FSTL4: variants seen among roughly 807,000 people sequenced by gnomAD.
FSTL4 encodes the protein follistatin like 4, also known as follistatin-related protein 4.
Under a neutral mutation model 78.2 loss-of-function variants are expected in FSTL4, and 28 were observed. The ratio of observed to expected loss-of-function variants is 0.36; its 90% CI spans 0.27 to 0.49. The LOEUF (loss-of-function observed/expected upper bound fraction) is 0.49. Ranked by LOEUF, FSTL4 falls within the 20% of genes least tolerant of loss-of-function variation. The pLI, the probability that FSTL4 is intolerant of heterozygous loss-of-function variation, is 0.98. For missense variants in FSTL4, 922 were observed against 1,084.9 expected (o/e 0.85, Z 2.11); for synonymous variants, 422 against 440.5 (o/e 0.96, Z 0.53).
At chr5:133,468,567 C>A (rs1052713013) in intron 3 of FSTL4, among the ~76,000 whole-genome samples, 3 of 152,304 alleles carry the variant, frequency 2.0e-5, no homozygotes, top group African/African-American at 7.2e-5. Context: ...GCCCAAGCCA[C>A]GGAGCCACTG....
upstream of FSTL4, among the ~76,000 whole-genome samples, chr5:133,612,806 C>T (rs1761131860): frequency 6.6e-6 from 1 of 152,132 alleles, no homozygotes. The surrounding 1 kb of genome is among the most constrained non-coding windows in gnomAD (Gnocchi z 6.2). Flanking sequence ...CACCTCTGCT[C>T]TCCTCCAGGC....
At chr5:133,545,147 T>C (rs921471090) in intron 3 of FSTL4, among the ~76,000 whole-genome samples, 1 of 152,072 alleles carries the variant, frequency 6.6e-6, no homozygotes, top group Non-Finnish European at 1.5e-5. Flanking sequence ...ACCATGTGAG[T>C]AGAGGGTTAG....
At chr5:133,382,338 C>T (rs1279208080) in intron 4 of FSTL4, among the ~76,000 whole-genome samples, 1 of 152,152 alleles carries the variant, frequency 6.6e-6, no homozygotes, top group African/African-American at 2.4e-5. Flanking sequence ...CGAGGTTTTG[C>T]AGTTGTTTGT....
chr5:133,405,382 C>T lies in FSTL4; in HGVS notation c.161-4396G>A, dbSNP rs141615310. On this transcript the variant is annotated intron_variant, in intron 3 of 15. Coordinates refer to ENST00000265342, the MANE Select transcript of FSTL4 (RefSeq NM_015082.2). ...ACCTGCCACGAACCCTGGCCCAGTACAGCAGCTGTCTCCACCTTCTGCAGA... is the reference window on the plus strand; with the variant it reads ...ACCTGCCACGAACCCTGGCCCAGTATAGCAGCTGTCTCCACCTTCTGCAGA... Among the ~76,000 whole-genome samples, 391 of 152,376 alleles carry T rather than the reference C, an allele frequency of 2.6e-3. 3 individuals carry two copies. Among genetic ancestry groups the T allele is most frequent in the African/African-American group, 8.6e-3 (359 of 41,596 alleles).
chr5:133,265,759 A>C (rs1752628153), intron 6 of FSTL4, among the ~76,000 whole-genome samples: 1 of 152,124 alleles, frequency 6.6e-6, no homozygotes, highest in Non-Finnish European at 1.5e-5. Flanking sequence ...GCACCCCTGC[A>C]CGGCTGGTCA....
intron 4 of FSTL4, among the ~76,000 whole-genome samples, chr5:133,392,123 C>T (rs1364552194): frequency 6.6e-6 from 1 of 152,194 alleles, no homozygotes; most frequent in Non-Finnish European, 1.5e-5. Context: ...TTTGAAGAAG[C>T]ATCTGACCCG....
chr5:133,383,596 A>G (rs2126954850), intron 4 of FSTL4, among the ~76,000 whole-genome samples: 1 of 152,340 alleles, frequency 6.6e-6, no homozygotes, highest in Middle Eastern at 3.4e-3. Context: ...CCCTGGGAGA[A>G]GACAAGACAT....
At chr5:133,605,593 C>T (rs1031505376) in intron 1 of FSTL4, among the ~76,000 whole-genome samples, 2 of 152,218 alleles carry the variant, frequency 1.3e-5, no homozygotes, top group South Asian at 2.1e-4. Flanking sequence ...TGCCTCTCCA[C>T]ATCTGCTTTA....
At chr5:133,591,708 T>G (rs1760630787) in intron 2 of FSTL4, among the ~76,000 whole-genome samples, 1 of 152,050 alleles carries the variant, frequency 6.6e-6, no homozygotes, top group Non-Finnish European at 1.5e-5. Flanking sequence ...GGCCCAGAGC[T>G]GCAGCAAGGG....
chr5:133,538,139 G>C (rs1759392059), intron 3 of FSTL4, among the ~76,000 whole-genome samples: 1 of 151,228 alleles, frequency 6.6e-6, no homozygotes, highest in African/African-American at 2.4e-5. Context: ...CCTAGTCCAG[G>C]TTCGAACCCA....
At chr5:133,618,416 T>G in the FSTL4 span, among the ~76,000 whole-genome samples, 7 of 152,146 alleles carry the variant, frequency 4.6e-5, no homozygotes, top group Non-Finnish European at 8.8e-5. Flanking sequence ...ATAGTATGTT[T>G]TTAACAGATG....
chr5:133,553,409 C>A (rs1759728028), intron 3 of FSTL4, among the ~76,000 whole-genome samples: 1 of 152,176 alleles, frequency 6.6e-6, no homozygotes, highest in Admixed American at 6.5e-5. Context: ...AGCTGAGAGT[C>A]CTCAGGACAA....
At chr5:133,766,414 CTAA>C in the FSTL4 span, among the ~76,000 whole-genome samples, 1 of 152,254 alleles carries the variant, frequency 6.6e-6, no homozygotes, top group African/African-American at 2.4e-5. Flanking sequence ...TACCACTGAA[CTAA>C]TGAGTTAACA....
At chr5:133,629,717 C>T in the FSTL4 span, among the ~76,000 whole-genome samples, 1 of 152,166 alleles carries the variant, frequency 6.6e-6, no homozygotes, top group African/African-American at 2.4e-5. Flanking sequence ...AGGCCAATAT[C>T]CCTGACGAAC....
Position 133,199,030 on chromosome 5 carries a change from C to T in FSTL4, c.*65G>A. The T allele has an allele frequency of 9.8e-7, 1 of 1,019,132 alleles. No homozygotes were observed. Among genetic ancestry groups the T allele is most frequent in the Non-Finnish European group, 1.4e-6 (1 of 700,292 alleles). 63.1% of individuals were successfully genotyped at this position (1,019,132 alleles called of 1,614,324 possible). A position where few individuals can be genotyped will look rare whatever the true frequency, so the allele number is the denominator to read the frequency against. ...TTGTCTGTAAAAATGTACAGCGTAC[C>T]TGCTTGAGGCTGCAGTGTCAGGACT... is the stretch of plus-strand genomic sequence containing the variant. On this transcript the variant is annotated 3_prime_UTR_variant, in exon 16 of 16. Transcript: ENST00000265342. The surrounding 1 kb of genome is among the most constrained non-coding windows in gnomAD (Gnocchi z 4.4).
Position 133,197,598 on chromosome 5 carries a change from C to T in FSTL4, c.*1497G>A, listed in dbSNP as rs962710979. 2.0e-5 allele frequency: 3 copies of T among 152,244 alleles called. No individual in the cohort carries two copies. Among genetic ancestry groups the T allele is most frequent in the African/African-American group, 7.2e-5 (3 of 41,422 alleles). 9.4% of individuals were successfully genotyped at this position (152,244 alleles called of 1,614,324 possible). Reference sequence around the variant, plus strand: ...TGACACAGAGTCTAGGGTTTCCTCTCCTTGAAAGAGTTCATTCCTTAATGG... The same window carrying T: ...TGACACAGAGTCTAGGGTTTCCTCTTCTTGAAAGAGTTCATTCCTTAATGG... On this transcript the variant is annotated 3_prime_UTR_variant, in exon 16 of 16. Coordinates refer to ENST00000265342, the MANE Select transcript of FSTL4 (RefSeq NM_015082.2).
chr5:133,610,828 G>A lies in FSTL4; in HGVS notation c.-11+1497C>T, dbSNP rs191790325. On this transcript the variant is annotated intron_variant, in intron 1 of 15. Coordinates refer to ENST00000265342, the MANE Select transcript of FSTL4 (RefSeq NM_015082.2). ...TAGGAAAATAACTTAGGACTTTCAA[G>A]AAGAGTCCTAGTCGCTCACTGATCC... is the stretch of plus-strand genomic sequence containing the variant. Among the ~76,000 whole-genome samples, 12 of 152,346 alleles carry A rather than the reference G, an allele frequency of 7.9e-5. No homozygotes were observed. The East Asian group carries it at 2.3e-3, about 29-fold the overall frequency.
At chr5:133,269,200 A>G (rs1255793342) in intron 6 of FSTL4, among the ~76,000 whole-genome samples, 2 of 151,550 alleles carry the variant, frequency 1.3e-5, no homozygotes, top group Admixed American at 6.6e-5. Flanking sequence ...AAAAAAAAAA[A>G]AAAAAGAAAG....
chr5:133,782,336 T>C, the FSTL4 span, among the ~76,000 whole-genome samples: 3 of 152,268 alleles, frequency 2.0e-5, no homozygotes, highest in Admixed American at 6.5e-5. Flanking sequence ...CTTCCCCTTC[T>C]AGAACATGCA....
Sources: gnomAD v4.1 joint callset for allele counts (sites outside exome capture counted in the v4.1 genomes callset) on GRCh38, gnomAD v4.1.1 for gene constraint, Gnocchi (gnomAD v3.1) non-coding constraint, MANE v1.5 for transcripts, NCBI Gene and HGNC (gene_info 2026-07-23, HGNC 2026-07-21) for gene names.